The following LMX1B variants were observed in gnomAD, a reference collection of about 807,000 sequenced individuals.
LMX1B encodes LIM homeobox transcription factor 1 beta.
In LMX1B, 12 loss-of-function variants were observed where a neutral mutation model predicts 51.4. The observed-to-expected ratio is 0.23, with a 90% CI of 0.15 to 0.38. The LOEUF is 0.38. Among genes scored for constraint, LMX1B ranks in the 10% least tolerant of loss-of-function variants. The pLI, the probability that LMX1B is intolerant of heterozygous loss-of-function variation, is 1.00. For synonymous variants in LMX1B, 237 were observed against 235.4 expected, an observed-to-expected ratio of 1.01 and a Z score of -0.06; for missense variants, 445 against 571.1, an observed-to-expected ratio of 0.78 and a Z score of 2.25.
intron 6 of LMX1B, 156 bp downstream of exon 6, chr9:126,693,968 A>G: frequency 1.7e-6 from 1 of 593,402 alleles, no homozygotes; most frequent in Non-Finnish European, 3.0e-6. Flanking sequence ...CTAGGGACAA[A>G]GGGGCCCGGG....
At chr9:126,686,317 TC>T (rs1836769179) in intron 2 of LMX1B, among the ~76,000 whole-genome samples, 1 of 150,174 alleles carries the variant, frequency 6.7e-6, no homozygotes, top group Admixed American at 6.6e-5. Flanking sequence ...AGATTAGTAA[TC>T]CATGTTCAAA....
intron 2 of LMX1B, among the ~76,000 whole-genome samples, chr9:126,655,493 C>T (rs975296403): frequency 2.0e-5 from 3 of 152,100 alleles, no homozygotes; most frequent in South Asian, 2.1e-4. Context: ...AGTGGAATCC[C>T]GGCTTTGTCC....
At chr9:126,652,902 G>A (rs1264836377) in intron 2 of LMX1B, among the ~76,000 whole-genome samples, 1 of 152,184 alleles carries the variant, frequency 6.6e-6, no homozygotes, top group Non-Finnish European at 1.5e-5. Flanking sequence ...TGTTGATGGA[G>A]AAGAAAAGAG....
chr9:126,650,961 A>C (rs1835992531), intron 2 of LMX1B, among the ~76,000 whole-genome samples: 1 of 152,172 alleles, frequency 6.6e-6, no homozygotes, highest in African/African-American at 2.4e-5. Flanking sequence ...CAATTTAGAT[A>C]ATGATTCTGA....
rs1033340881 is a variant in LMX1B at position 126,673,812 on chromosome 9, C to T, written c.327-17024C>T. Among the ~76,000 whole-genome samples, 2 of 152,082 alleles carry T rather than the reference C, an allele frequency of 1.3e-5. No individual in the cohort carries two copies. Among genetic ancestry groups the T allele is most frequent in the African/African-American group, 2.4e-5 (1 of 41,420 alleles). On this transcript the variant is annotated intron_variant, in intron 2 of 7. Coordinates refer to ENST00000373474, the MANE Select transcript of LMX1B (RefSeq NM_001174147.2). This position sits in a 1 kb window ranked among gnomAD's most constrained non-coding sequence, Gnocchi z 4.4. ...GGCCGGGGTGGAGGGCGCATCCCCA[C>T]GGGGAGATTGGATGGAAATGGCCTG...
intron 2 of LMX1B, among the ~76,000 whole-genome samples, chr9:126,659,263 G>A (rs544465587): frequency 3.5e-4 from 53 of 152,360 alleles, no homozygotes; most frequent in African/African-American, 1.3e-3. Context: ...GGCAGGTGGT[G>A]AGGAGGGTCC....
intron 2 of LMX1B, among the ~76,000 whole-genome samples, chr9:126,640,471 T>C (rs997307888): frequency 1.4e-4 from 22 of 152,320 alleles, no homozygotes; most frequent in African/African-American, 5.3e-4. Context: ...GCACCAGTCC[T>C]GGGCCTTTGA....
At position 126,691,023 on chromosome 9, in the gene LMX1B, G is replaced by A. The variant is rs766089781; in HGVS notation, c.514G>A (p.Glu172Lys). 6.2e-7 allele frequency: 1 copy of A among 1,613,898 alleles called. No individual in the cohort carries two copies. The highest frequency in any genetic ancestry group is 1.1e-5 in the South Asian group (1 of 91,022). Residue 172 changes from glutamate (E) to lysine (K), a missense_variant, in exon 3 of 8, where the codon GAG becomes AAG. Around this residue, in one of 3 missense-constraint regions of LMX1B, gnomAD observed 273 missense variants for 343.3 expected, o/e 0.80. Coordinates refer to ENST00000373474, the MANE Select transcript of LMX1B (RefSeq NM_001174147.2). The stretch of plus-strand genomic sequence containing the variant: ...GCTGTGCAAGGGTGACTACGAGAAG[G>A]AGAAGGACCTGCTCAGCTCCGTGAG... ...QLLCKGDYEK[E>K]KDLLSSVSPD...
In LMX1B at chr9:126,643,885, C is replaced by A. The variant is rs924858907; in HGVS notation, c.326+28316C>A. On this transcript the variant is annotated intron_variant, in intron 2 of 7. Coordinates refer to ENST00000373474, the MANE Select transcript of LMX1B (RefSeq NM_001174147.2). ...TTTCTCATTGAATTGTCACAGTAGC[C>A]CTACCAGGTAGACGCCACTTTCATG... Among the ~76,000 whole-genome samples the A allele has an allele frequency of 2.0e-4, 31 of 152,306 alleles. 1 individual carries two copies. The highest frequency in any genetic ancestry group is 1.9e-3 in the Admixed American group (29 of 15,312).
Position 126,686,641 on chromosome 9 carries a change from C to T in LMX1B, c.327-4195C>T, listed in dbSNP as rs140140891. Among the ~76,000 whole-genome samples the T allele has an allele frequency of 4.0e-3, 615 of 152,284 alleles. 5 individuals are homozygous for T. Among genetic ancestry groups the T allele is most frequent in the African/African-American group, 0.014 (590 of 41,560 alleles). ...TCGGGCCCCAAGTCTCAGGAAGAGA[C>T]AGACATGGGCATGGTGCCCAGGGCC... On this transcript the variant is annotated intron_variant, in intron 2 of 7. Transcript: ENST00000373474.
In LMX1B at chr9:126,659,953, G is replaced by A. The variant is rs558075002; in HGVS notation, c.327-30883G>A. Among the ~76,000 whole-genome samples the A allele has an allele frequency of 2.3e-3, 348 of 151,264 alleles. 4 individuals carry two copies. The highest frequency in any genetic ancestry group is 8.0e-3 in the African/African-American group (328 of 41,018). ...ACACTAGCCTTAGAGATTGTCCTGT[G>A]TGGGGGTGTCTACACTGGCTTCAAA... is the stretch of plus-strand genomic sequence containing the variant. On this transcript the variant is annotated intron_variant, in intron 2 of 7. Coordinates refer to ENST00000373474, the MANE Select transcript of LMX1B (RefSeq NM_001174147.2).
In LMX1B at chr9:126,696,494, G is replaced by T; in HGVS notation, c.*43G>T. 1.9e-6 allele frequency: 3 copies of T among 1,609,460 alleles called. No individual in the cohort carries two copies. Among genetic ancestry groups the T allele is most frequent in the Non-Finnish European group, 2.5e-6 (3 of 1,176,522 alleles). On this transcript the variant is annotated 3_prime_UTR_variant, in exon 8 of 8. Transcript: ENST00000373474. ...GGACGCTTGGGCAGGGGCCTGGGGG[G>T]GACTGCCAGCCTCTGCGGCCAGCCT...
rs1354939748 is a variant in LMX1B at position 126,695,916 on chromosome 9, A to G, written c.964A>G (p.Met322Val). Residue 322 changes from methionine to valine, a missense_variant, in exon 7 of 8, where the codon ATG (methionine) becomes GTG (valine). Around this residue, in one of 3 missense-constraint regions of LMX1B, gnomAD observed 162 missense variants for 187.8 expected, o/e 0.86. Transcript: ENST00000373474. This position sits in a 1 kb window ranked among gnomAD's most constrained non-coding sequence, Gnocchi z 5.2. ...CCCACCACAGCAGCAGATCGTGGCC[A>G]TGGAACAGAGCCCCTACGGCAGCAG... Reference protein sequence around the residue: ...LAPPQQQIVAMEQSPYGSSDP... With the variant: ...LAPPQQQIVAVEQSPYGSSDP... The G allele has an allele frequency of 6.2e-7, 1 of 1,613,424 alleles. No homozygotes were observed. Among genetic ancestry groups the G allele is most frequent in the Admixed American group, 1.7e-5 (1 of 59,990 alleles).
At chr9:126,694,029 T>G (rs2030244151) in intron 6 of LMX1B, among the ~76,000 whole-genome samples, 1 of 152,096 alleles carries the variant, frequency 6.6e-6, no homozygotes, top group Admixed American at 6.5e-5. Context: ...GGCCATCAGA[T>G]CCCAGGGAAC....
chr9:126,696,607 T>G lies in LMX1B; in HGVS notation c.*156T>G, dbSNP rs2030348421. ...CAGCTGGGCCTGACCACTGTGCCCG[T>G]TGGGTACAGCCAGACCGGTAGATGG... On this transcript the variant is annotated 3_prime_UTR_variant, in exon 8 of 8. Transcript: ENST00000373474. 2.5e-6 allele frequency: 2 copies of G among 792,450 alleles called. No homozygotes were observed. Among genetic ancestry groups the G allele is most frequent in the Non-Finnish European group, 2.1e-6 (1 of 487,342 alleles). The allele number at this position is 792,450 out of a possible 1,614,324, so 49.1% of individuals were successfully genotyped here. A position where few individuals can be genotyped will look rare whatever the true frequency, so the allele number is the denominator to read the frequency against.
chr9:126,647,350 C>G (rs1351240222), intron 2 of LMX1B, among the ~76,000 whole-genome samples: 2 of 152,206 alleles, frequency 1.3e-5, no homozygotes, highest in African/African-American at 2.4e-5. Flanking sequence ...CTCTGGACAT[C>G]GTTCGACACA....
rs529540899 is a variant in LMX1B, at chr9:126,617,034, G to A, written c.326+1465G>A. On this transcript the variant is annotated intron_variant, in intron 2 of 7. Coordinates refer to ENST00000373474, the MANE Select transcript of LMX1B (RefSeq NM_001174147.2). ...GCACCCCAGATTTAGGCACACTGCC[G>A]TAGGTCGGCTTTGTGCTGTGCTCTG... Among the ~76,000 whole-genome samples, 16 of 152,352 alleles carry A rather than the reference G, an allele frequency of 1.1e-4. No homozygotes were observed. In the South Asian group the frequency reaches 1.7e-3, roughly 16 times the overall value.
chr9:126,642,267 G>C (rs1835823584), intron 2 of LMX1B, among the ~76,000 whole-genome samples: 1 of 152,110 alleles, frequency 6.6e-6, no homozygotes, highest in South Asian at 2.1e-4. Context: ...ATGTGTGTGT[G>C]AGTGAAGTCC....
At chr9:126,681,490 T>G (rs1381492963) in intron 2 of LMX1B, among the ~76,000 whole-genome samples, 2 of 152,116 alleles carry the variant, frequency 1.3e-5, no homozygotes, top group Non-Finnish European at 2.9e-5. Flanking sequence ...TCACAAGGCT[T>G]CCCCTGCCCT....
Sources: gnomAD v4.1 joint callset for allele counts (sites outside exome capture counted in the v4.1 genomes callset) on GRCh38, gnomAD v4.1.1 for gene constraint, gnomAD v4.1.1 regional missense constraint, Gnocchi (gnomAD v3.1) non-coding constraint, MANE v1.5 for transcripts, NCBI Gene and HGNC (gene_info 2026-07-23, HGNC 2026-07-21) for gene names.